Variants in CPNE4 observed in about 807,000 individuals in gnomAD.
CPNE4 encodes copine-4.
A neutral mutation model predicts 67.9 loss-of-function variants in CPNE4; 25 were observed. That is an observed-to-expected ratio of 0.37 (90% CI 0.27 to 0.51). The LOEUF (loss-of-function observed/expected upper bound fraction) is 0.51. Ranked by LOEUF, CPNE4 falls within the 20% of genes least tolerant of loss-of-function variation. The pLI is 0.93. For missense variants in CPNE4, 464 were observed against 690.8 expected (o/e 0.67, Z 3.68); for synonymous variants, 242 against 244.9 (o/e 0.99, Z 0.11).
intron 1 of CPNE4, among the ~76,000 whole-genome samples, chr3:131,931,460 T>C (rs937834544): frequency 2.6e-5 from 4 of 152,164 alleles, no homozygotes; most frequent in Admixed American, 2.0e-4. Context: ...GTAAGCATCA[T>C]AATAATGGGT....
chr3:131,811,383 A>T (rs538861149), intron 2 of CPNE4, among the ~76,000 whole-genome samples: 14 of 151,824 alleles, frequency 9.2e-5, no homozygotes, highest in Non-Finnish European at 1.8e-4. Flanking sequence ...TGGTTTAAAA[A>T]ATATATATAT....
In CPNE4 at chr3:131,555,534, G is replaced by A. The variant is rs1936414053; in HGVS notation, c.1079C>T (p.Ala360Val). 1 of 1,612,530 alleles carries A rather than the reference G, an allele frequency of 6.2e-7. No homozygotes were observed. Among genetic ancestry groups the A allele is most frequent in the Non-Finnish European group, 8.5e-7 (1 of 1,179,200 alleles). ...AGGTATCCTGGCGCCAAACCCAAAGGCAGGGAACATTTTGTCACTGAAACC... is the reference window on the plus strand; with the variant it reads ...AGGTATCCTGGCGCCAAACCCAAAGACAGGGAACATTTTGTCACTGAAACC... ...QDYDSDKMFP[A>V]FGFGARIPPE... Residue 360 changes from alanine (A) to valine (V), a missense_variant, in exon 12 of 16, where the codon GCC becomes GTC. Physicochemically the swap from Ala to Val is moderately conservative, Grantham distance 64 (BLOSUM62 0). This residue lies in a region of CPNE4 where 201 missense variants were observed against 357.7 expected (regional missense o/e 0.56). Transcript: ENST00000429747.
chr3:131,648,707 A>C (rs538121008), intron 7 of CPNE4, among the ~76,000 whole-genome samples: 3 of 152,374 alleles, frequency 2.0e-5, no homozygotes, highest in East Asian at 3.9e-4. Flanking sequence ...TCATGTGGCT[A>C]TCTTGGAATA....
intron 1 of CPNE4, among the ~76,000 whole-genome samples, chr3:131,906,456 C>T (rs1291226538): frequency 6.9e-6 from 1 of 143,946 alleles, no homozygotes; most frequent in African/African-American, 2.6e-5. Flanking sequence ...TTCCTGTGTC[C>T]ATGTGTTCTC....
At chr3:131,890,336 G>A (rs1224920461) in intron 2 of CPNE4, among the ~76,000 whole-genome samples, 2 of 151,402 alleles carry the variant, frequency 1.3e-5, no homozygotes, top group African/African-American at 2.4e-5. Context: ...ATATAAAAAC[G>A]TGCTTAACAT....
chr3:131,615,917 A>G lies in CPNE4; in HGVS notation c.682-28335T>C, dbSNP rs564763557. Among the ~76,000 whole-genome samples, 553 of 97,394 alleles carry G rather than the reference A, an allele frequency of 5.7e-3. 4 individuals are homozygous for G. The highest frequency in any genetic ancestry group is 0.026 in the African/African-American group (342 of 13,116). 63.9% of individuals were successfully genotyped at this position (97,394 alleles called of 152,430 possible). A position where few individuals can be genotyped will look rare whatever the true frequency, so the allele number is the denominator to read the frequency against. ...CACACACACACACACACACACACAC[A>G]CACACACACACGCACACACACACAC... is the stretch of plus-strand genomic sequence containing the variant. On this transcript the variant is annotated intron_variant, in intron 7 of 15. Coordinates refer to ENST00000429747, the MANE Select transcript of CPNE4 (RefSeq NM_130808.3).
chr3:131,810,745 G>A (rs1487263211), intron 2 of CPNE4, among the ~76,000 whole-genome samples: 1 of 152,106 alleles, frequency 6.6e-6, no homozygotes, highest in Non-Finnish European at 1.5e-5. Flanking sequence ...CTTGTTCATT[G>A]CAGCATTGTT....
At chr3:131,799,758 T>C (rs2084023761) in intron 2 of CPNE4, among the ~76,000 whole-genome samples, 1 of 152,126 alleles carries the variant, frequency 6.6e-6, no homozygotes, top group Non-Finnish European at 1.5e-5. Flanking sequence ...GGCCTCCATG[T>C]GCAGATTATC....
At chr3:131,722,899 G>C (rs2081923637) in intron 3 of CPNE4, among the ~76,000 whole-genome samples, 1 of 152,186 alleles carries the variant, frequency 6.6e-6, no homozygotes, top group South Asian at 2.1e-4. Context: ...ACCTCTCTGA[G>C]TCTCAGGTTT....
rs967945624 is a variant in CPNE4, at chr3:131,696,448, G to T, written c.507+94C>A. Reference sequence around the variant, plus strand: ...TTTTTGGATCTGTTTGATAATGTGGGTGGAAAGGGAAAAATAGTTGCAGGG... The same window carrying T: ...TTTTTGGATCTGTTTGATAATGTGGTTGGAAAGGGAAAAATAGTTGCAGGG... On this transcript the variant is annotated intron_variant, in intron 5 of 15. Transcript: ENST00000429747. 5.1e-6 allele frequency: 6 copies of T among 1,166,964 alleles called. No homozygotes were observed. The African/African-American group carries it at 6.1e-5, about 12-fold the overall frequency. 72.3% of individuals were successfully genotyped at this position (1,166,964 alleles called of 1,614,324 possible). A position where few individuals can be genotyped will look rare whatever the true frequency, so the allele number is the denominator to read the frequency against.
chr3:131,700,053 C>CATTTTTTT, intron 3 of CPNE4, 73 bp from the exon 4 acceptor site: 1 of 345,124 alleles, frequency 2.9e-6, no homozygotes, highest in Non-Finnish European at 4.7e-6. Context: ...ATTTTTTAAA[C>CATTTTTTT]CTTTTTTTTT....
chr3:131,728,428 T>C (rs951308455), intron 2 of CPNE4, among the ~76,000 whole-genome samples: 6 of 152,222 alleles, frequency 3.9e-5, no homozygotes, highest in Admixed American at 2.0e-4. Context: ...GCTATATAGT[T>C]ATGCAAATTT....
At chr3:131,746,738 T>A (rs948905620) in intron 2 of CPNE4, among the ~76,000 whole-genome samples, 5 of 152,136 alleles carry the variant, frequency 3.3e-5, no homozygotes, top group African/African-American at 1.2e-4. Flanking sequence ...GAGATAGGAG[T>A]GCAGATATCT....
At chr3:131,670,333 A>G (rs2080376007) in intron 6 of CPNE4, among the ~76,000 whole-genome samples, 2 of 152,212 alleles carry the variant, frequency 1.3e-5, no homozygotes, top group East Asian at 3.8e-4. Flanking sequence ...ACTCAATTAC[A>G]ATATCCTGGA....
chr3:131,986,801 A>T (rs2073055176), intron 1 of CPNE4, among the ~76,000 whole-genome samples: 1 of 147,702 alleles, frequency 6.8e-6, no homozygotes, highest in East Asian at 2.0e-4. Flanking sequence ...ACTGCACTCC[A>T]GCCTGGGCGA....
chr3:131,801,378 TATATATATGGTAC>T (rs2084104474), intron 2 of CPNE4, among the ~76,000 whole-genome samples: 1 of 106,698 alleles, frequency 9.4e-6, no homozygotes, highest in African/African-American at 3.9e-5. Flanking sequence ...GTACCATATA[TATATATATGGTAC>T]ATATATATAT....
chr3:131,539,530 G>A (rs1287924817), intron 15 of CPNE4, among the ~76,000 whole-genome samples: 1 of 152,228 alleles, frequency 6.6e-6, no homozygotes, highest in African/African-American at 2.4e-5. Context: ...GTCTTGAGGT[G>A]TGGATCCATG....
rs1300307965 is a variant in CPNE4 at position 131,905,399 on chromosome 3, C to T, written c.45G>A (p.Leu15=). ...SNIYESAANT[L]GIFNSPCLTK... Reference sequence around the variant, plus strand: ...TCAGGCAGGGGCTGTTAAAGATTCCCAGTGTGTTGGCAGCGGACTCATAAA... The same window carrying T: ...TCAGGCAGGGGCTGTTAAAGATTCCTAGTGTGTTGGCAGCGGACTCATAAA... Residue 15 remains leucine (L), a synonymous_variant, in exon 2 of 16, where the codon CTG becomes CTA. Coordinates refer to ENST00000429747, the MANE Select transcript of CPNE4 (RefSeq NM_130808.3). 2 of 1,613,420 alleles carry T rather than the reference C, an allele frequency of 1.2e-6. No homozygotes were observed. The highest frequency in any genetic ancestry group is 1.3e-5 in the African/African-American group (1 of 74,992).
At chr3:131,707,298 C>T (rs7625763) in intron 3 of CPNE4, among the ~76,000 whole-genome samples, 10,580 of 152,178 alleles carry the variant, frequency 0.07, 838 homozygotes, top group East Asian at 0.26. Context: ...CTTGTGGCTG[C>T]TGCAGCTCCT....
Sources: gnomAD v4.1 joint callset for allele counts (sites outside exome capture counted in the v4.1 genomes callset) on GRCh38, gnomAD v4.1.1 for gene constraint, gnomAD v4.1.1 regional missense constraint, MANE v1.5 for transcripts, NCBI Gene and HGNC (gene_info 2026-07-23, HGNC 2026-07-21) for gene names.